Variants in CELF2 observed in about 807,000 individuals in gnomAD.
CELF2 encodes CUGBP Elav-like family member 2.
In CELF2, 8 loss-of-function variants were observed where a neutral mutation model predicts 62.6. That is an observed-to-expected ratio of 0.13 (90% CI 0.07 to 0.23). The LOEUF is 0.23. CELF2 is among the 10% of genes least tolerant of loss of function. The probability of loss-of-function intolerance (pLI) is 1.00; values close to 1 mark genes in which losing one functional copy is unlikely to be tolerated. For missense variants in CELF2, 333 were observed against 671.0 expected, an observed-to-expected ratio of 0.50 and a Z score of 5.56; for synonymous variants, 258 against 250.0, an observed-to-expected ratio of 1.03 and a Z score of -0.30.
At chr10:10,566,805 T>C in the CELF2 span, among the ~76,000 whole-genome samples, 2 of 152,210 alleles carry the variant, frequency 1.3e-5, no homozygotes, top group Non-Finnish European at 2.9e-5. Flanking sequence ...TATCATATTG[T>C]GATGTTATCA....
the CELF2 span, among the ~76,000 whole-genome samples, chr10:10,753,062 T>G: frequency 1.9e-3 from 287 of 152,364 alleles, no homozygotes; most frequent in African/African-American, 6.6e-3. Flanking sequence ...CCCTTTTTAA[T>G]TTTTAAATGA....
At chr10:10,649,435 T>C in the CELF2 span, among the ~76,000 whole-genome samples, 3 of 152,178 alleles carry the variant, frequency 2.0e-5, no homozygotes, top group African/African-American at 7.2e-5. Context: ...CAAGTTAATA[T>C]TGCCAACTGT....
At chr10:10,875,110 A>G (rs1351016276) in intron 1 of CELF2, among the ~76,000 whole-genome samples, 3 of 152,196 alleles carry the variant, frequency 2.0e-5, no homozygotes, top group Non-Finnish European at 2.9e-5. Context: ...AAATGTGTCA[A>G]CTTTATTGTT....
At chr10:10,650,611 T>C in the CELF2 span, among the ~76,000 whole-genome samples, 4 of 152,232 alleles carry the variant, frequency 2.6e-5, no homozygotes, top group East Asian at 1.9e-4. Flanking sequence ...CAAGATAAAA[T>C]AGCACTGCAA....
chr10:11,259,691 GC>G lies in CELF2; in HGVS notation c.538+1821del, dbSNP rs775226286. ...CTCTGGCTCCCAAACAGCCTCACCA[GC>G]CAAGGGATACTAGCATGCCTTCCTA... On this transcript the variant is annotated intron_variant, in intron 5 of 12. Coordinates refer to ENST00000633077, the MANE Select transcript of CELF2 (RefSeq NM_001326342.2). 1.3e-3 allele frequency among the ~76,000 whole-genome samples: 205 copies of G among 152,228 alleles called. 2 individuals are homozygous for G. Among genetic ancestry groups the G allele is most frequent in the Non-Finnish European group, 2.3e-3 (158 of 68,012 alleles).
chr10:11,305,542 G>A lies in CELF2; in HGVS notation c.977-8597G>A, dbSNP rs1342651336. Among the ~76,000 whole-genome samples the A allele has an allele frequency of 6.6e-6, 1 of 152,246 alleles. No homozygotes were observed. Among genetic ancestry groups the A allele is most frequent in the Non-Finnish European group, 1.5e-5 (1 of 68,044 alleles). On this transcript the variant is annotated intron_variant, in intron 9 of 12. Transcript: ENST00000633077. This position sits in a 1 kb window ranked among gnomAD's most constrained non-coding sequence, Gnocchi z 4.8. ...GAAAGATGTCCTATTACCTGTTATT[G>A]TCAGTGGGATTAGGAAGAGAAGGAA...
Position 11,290,883 on chromosome 10 carries a change from T to C in CELF2, c.976+2331T>C, listed in dbSNP as rs1477926690. Among the ~76,000 whole-genome samples, 2 of 152,262 alleles carry C rather than the reference T, an allele frequency of 1.3e-5. No individual in the cohort carries two copies. Among genetic ancestry groups the C allele is most frequent in the African/African-American group, 2.4e-5 (1 of 41,464 alleles). ...GCAATGATTGAAATCTACATTTCAA[T>C]TATTTTTCTTAAGTGTAACTAAAAA... On this transcript the variant is annotated intron_variant, in intron 9 of 12. Transcript: ENST00000633077. This position sits in a 1 kb window ranked among gnomAD's most constrained non-coding sequence, Gnocchi z 4.3.
Position 10,969,127 on chromosome 10 carries a change from T to C in CELF2, c.89+49128T>C, listed in dbSNP as rs569132393. Among the ~76,000 whole-genome samples, 10 of 152,256 alleles carry C rather than the reference T, an allele frequency of 6.6e-5. 1 individual carries two copies. In the South Asian group the frequency reaches 2.1e-3, roughly 32 times the overall value. ...CAAAAATTAGCTGGGTGTGGTGACA[T>C]GTGCCTGTAGTCCCAGCTACTCAGG... On this transcript the variant is annotated intron_variant, in intron 2 of 13. Coordinates refer to the CELF2 transcript ENST00000636488.
intron 2 of CELF2, among the ~76,000 whole-genome samples, chr10:11,180,741 A>G (rs2073085893): frequency 6.6e-6 from 1 of 152,250 alleles, no homozygotes; most frequent in African/African-American, 2.4e-5. Flanking sequence ...TCTTGTTAAA[A>G]TGTGTCCTCA....
chr10:10,643,232 C>T, the CELF2 span, among the ~76,000 whole-genome samples: 1 of 152,020 alleles, frequency 6.6e-6, no homozygotes, highest in Non-Finnish European at 1.5e-5. Context: ...TGTGTCCCCA[C>T]CCAAATCTCA....
At chr10:10,689,286 C>A in the CELF2 span, among the ~76,000 whole-genome samples, 1 of 152,006 alleles carries the variant, frequency 6.6e-6, no homozygotes, top group African/African-American at 2.4e-5. Flanking sequence ...GAGAGAGAAA[C>A]AGTGAAGAGG....
At position 11,312,563 on chromosome 10, in the gene CELF2, T is replaced by A. The variant is rs528575241; in HGVS notation, c.977-1576T>A. On this transcript the variant is annotated intron_variant, in intron 9 of 12. Coordinates refer to ENST00000633077, the MANE Select transcript of CELF2 (RefSeq NM_001326342.2). ...TGATTTTCATAAGTTAAAGATGACT[T>A]AAAGTTTTTATGACCATATATGAAA... 4.6e-5 allele frequency among the ~76,000 whole-genome samples: 7 copies of A among 152,322 alleles called. No homozygotes were observed. The South Asian group carries it at 1.5e-3, about 32-fold the overall frequency.
chr10:10,644,654 G>C, the CELF2 span, among the ~76,000 whole-genome samples: 2 of 152,270 alleles, frequency 1.3e-5, no homozygotes, highest in South Asian at 4.2e-4. Flanking sequence ...CCAGCCATCT[G>C]TGTAGCAAGG....
intron 3 of CELF2, among the ~76,000 whole-genome samples, chr10:11,228,123 G>A (rs1376449408): frequency 1.3e-5 from 2 of 152,202 alleles, no homozygotes; most frequent in East Asian, 1.9e-4. Flanking sequence ...AGTAGTCACA[G>A]AACCTCAGGA....
chr10:11,005,309 G>GTTA, upstream of CELF2: 1 of 1,609,936 alleles, frequency 6.2e-7, no homozygotes, highest in East Asian at 2.2e-5. The surrounding 1 kb of genome is among the most constrained non-coding windows in gnomAD (Gnocchi z 4.3). Flanking sequence ...GAGAGGGCGC[G>GTTA]TTAGTGAGCA....
the CELF2 span, among the ~76,000 whole-genome samples, chr10:10,711,771 A>C: frequency 6.6e-6 from 1 of 152,068 alleles, no homozygotes; most frequent in African/African-American, 2.4e-5. Flanking sequence ...AGTCTCAGCT[A>C]CTTGGGAGGC....
the CELF2 span, among the ~76,000 whole-genome samples, chr10:10,740,908 A>G: frequency 2.0e-4 from 31 of 152,298 alleles, no homozygotes; most frequent in East Asian, 1.9e-3. Flanking sequence ...GGAGTATAGC[A>G]CTGATGACCA....
At chr10:10,626,473 A>T in the CELF2 span, among the ~76,000 whole-genome samples, 1 of 152,210 alleles carries the variant, frequency 6.6e-6, no homozygotes, top group Non-Finnish European at 1.5e-5. Flanking sequence ...AGTTTCATGC[A>T]TGTGAAACCT....
chr10:10,812,342 A>G (rs1261820225), intron 1 of CELF2, among the ~76,000 whole-genome samples: 1 of 152,146 alleles, frequency 6.6e-6, no homozygotes, highest in East Asian at 1.9e-4. Flanking sequence ...CCATGATTCA[A>G]TTATCTCCCA....
Sources: gnomAD v4.1 joint callset for allele counts (sites outside exome capture counted in the v4.1 genomes callset) on GRCh38, gnomAD v4.1.1 for gene constraint, Gnocchi (gnomAD v3.1) non-coding constraint, MANE v1.5 for transcripts, NCBI Gene and HGNC (gene_info 2026-07-23, HGNC 2026-07-21) for gene names.